MAP3K8: variants seen among roughly 807,000 people sequenced by gnomAD.
MAP3K8 encodes the protein mitogen-activated protein kinase kinase kinase 8.
In MAP3K8, 22 loss-of-function variants were observed where a neutral mutation model predicts 45.8. The observed-to-expected ratio is 0.48, with a 90% CI of 0.34 to 0.69. MAP3K8 has a LOEUF of 0.69. MAP3K8 is among the 30% of genes least tolerant of loss of function. The pLI, the probability that MAP3K8 is intolerant of heterozygous loss-of-function variation, is 0.01. For synonymous variants in MAP3K8, 223 were observed against 214.3 expected (o/e 1.04, Z -0.36); for missense variants, 419 against 585.0 (o/e 0.72, Z 2.93).
intron 4 of MAP3K8, among the ~76,000 whole-genome samples, chr10:30,449,543 A>G (rs543204581): frequency 3.9e-5 from 6 of 152,368 alleles, no homozygotes; most frequent in South Asian, 2.1e-4. Context: ...CAAAAGTATA[A>G]CAAAATAAAA....
Position 30,461,354 on chromosome 10 carries a change from T to C in MAP3K8, c.*518T>C, listed in dbSNP as rs186978828. On this transcript the variant is annotated 3_prime_UTR_variant, in exon 9 of 9. Transcript: ENST00000263056. The stretch of plus-strand genomic sequence containing the variant: ...CAACTTGAAGATTGTAGCAATAAGC[T>C]GGACTAGTGTCCTAAAAATGGCTAA... The C allele has an allele frequency of 2.7e-3, 562 of 209,190 alleles. 8 individuals carry two copies. Among genetic ancestry groups the C allele is most frequent in the Non-Finnish European group, 2.1e-3 (213 of 102,446 alleles). The allele number at this position is 209,190 out of a possible 1,614,324, so 13.0% of individuals were successfully genotyped here. A position where few individuals can be genotyped will look rare whatever the true frequency, so the allele number is the denominator to read the frequency against.
intron 3 of MAP3K8, among the ~76,000 whole-genome samples, chr10:30,445,714 C>T (rs1836301708): frequency 6.6e-6 from 1 of 152,228 alleles, no homozygotes; most frequent in Admixed American, 6.5e-5. Context: ...AGACCGCCAT[C>T]TGCACTTATT....
chr10:30,438,132 G>A (rs1202318510), intron 2 of MAP3K8, among the ~76,000 whole-genome samples: 1 of 152,164 alleles, frequency 6.6e-6, no homozygotes, highest in Non-Finnish European at 1.5e-5. Context: ...ACTACTCACA[G>A]CTTCTAGAAG....
intron 4 of MAP3K8, among the ~76,000 whole-genome samples, chr10:30,449,050 A>G (rs1328577330): frequency 6.6e-6 from 1 of 152,218 alleles, no homozygotes; most frequent in Non-Finnish European, 1.5e-5. Flanking sequence ...TCTCATAACC[A>G]TTATGTTGAG....
intron 3 of MAP3K8, among the ~76,000 whole-genome samples, chr10:30,440,203 A>G (rs1186465939): frequency 6.6e-6 from 1 of 152,228 alleles, no homozygotes; most frequent in Non-Finnish European, 1.5e-5. Flanking sequence ...TCAGGCTTTT[A>G]GTATGTCAGA....
chr10:30,448,788 A>G (rs558753831), intron 4 of MAP3K8, among the ~76,000 whole-genome samples: 2 of 152,208 alleles, frequency 1.3e-5, no homozygotes, highest in African/African-American at 4.8e-5. Context: ...GGAAAACTGT[A>G]TCTACATAAG....
At chr10:30,456,123 G>A (rs1160273447) in intron 6 of MAP3K8, among the ~76,000 whole-genome samples, 2 of 152,190 alleles carry the variant, frequency 1.3e-5, no homozygotes, top group African/African-American at 4.8e-5. Context: ...GGAGGAGGGG[G>A]TACAGGAGAG....
At chr10:30,442,638 T>C (rs1836153510) in intron 3 of MAP3K8, among the ~76,000 whole-genome samples, 1 of 152,178 alleles carries the variant, frequency 6.6e-6, no homozygotes, top group Non-Finnish European at 1.5e-5. Flanking sequence ...TTGCTTTGGG[T>C]AAGAGTGCTG....
chr10:30,437,916 G>A (rs303449), intron 2 of MAP3K8, among the ~76,000 whole-genome samples: 108,018 of 152,162 alleles, frequency 0.71, 38,846 homozygotes, highest in African/African-American at 0.79. Context: ...ATCTCTTAGG[G>A]CCTTTTGTCT....
chr10:30,459,163 G>T (rs904991017), intron 7 of MAP3K8, 92 bp from the exon 8 acceptor site: 2 of 1,402,754 alleles, frequency 1.4e-6, no homozygotes, highest in South Asian at 1.2e-5. Context: ...GGTGGAAAAC[G>T]GATTACTTTC....
At chr10:30,441,087 G>A (rs1836088591) in intron 3 of MAP3K8, among the ~76,000 whole-genome samples, 1 of 151,912 alleles carries the variant, frequency 6.6e-6, no homozygotes, top group Non-Finnish European at 1.5e-5. Flanking sequence ...CAAAGGGTTT[G>A]AGTAAAATGT....
Position 30,447,939 on chromosome 10 carries a change from C to T in MAP3K8, c.494C>T (p.Ala165Val), listed in dbSNP as rs765778036. The T allele has an allele frequency of 5.0e-6, 8 of 1,607,556 alleles. No individual in the cohort carries two copies. The highest frequency in any genetic ancestry group is 4.0e-5 in the African/African-American group (3 of 74,220). ...AQDIKTKKRM[A>V]CKLIPVDQFK... ...GATATAAAGACGAAGAAAAGAATGGCGTGTAAACTGGTATGTGTTTTCTAC... is the reference window on the plus strand; with the variant it reads ...GATATAAAGACGAAGAAAAGAATGGTGTGTAAACTGGTATGTGTTTTCTAC... The change falls in exon 4 of 9, where the codon GCG becomes GTG. Residue 165 changes from alanine (A) to valine (V), a missense_variant. Coordinates refer to ENST00000263056, the MANE Select transcript of MAP3K8 (RefSeq NM_005204.4).
At chr10:30,447,483 C>T (rs1486293169) in intron 3 of MAP3K8, among the ~76,000 whole-genome samples, 9 of 152,088 alleles carry the variant, frequency 5.9e-5, no homozygotes, top group East Asian at 5.8e-4. Context: ...TTTTGGTTGC[C>T]GTAGTCATGC....
chr10:30,458,273 G>GAT, intron 7 of MAP3K8, 37 bp downstream of exon 7: 1 of 1,364,744 alleles, frequency 7.3e-7, no homozygotes, highest in Non-Finnish European at 9.7e-7. Flanking sequence ...GGCGGCGGGG[G>GAT]GGGGCGTTGA....
intron 3 of MAP3K8, among the ~76,000 whole-genome samples, chr10:30,439,787 T>TG (rs1214917018): frequency 2.0e-5 from 3 of 152,216 alleles, no homozygotes; most frequent in African/African-American, 4.8e-5. Flanking sequence ...CCAGCCTGTG[T>TG]GACTGAGTGA....
intron 4 of MAP3K8, among the ~76,000 whole-genome samples, chr10:30,449,122 A>G (rs1466583595): frequency 1.3e-5 from 2 of 152,242 alleles, no homozygotes; most frequent in Non-Finnish European, 2.9e-5. Context: ...TAAAGGACCA[A>G]AACAGGCAAA....
In MAP3K8 at chr10:30,461,073, T is replaced by C; in HGVS notation, c.*237T>C. 1 of 419,416 alleles carries C rather than the reference T, an allele frequency of 2.4e-6. No individual in the cohort carries two copies. Among genetic ancestry groups the C allele is most frequent in the Admixed American group, 4.2e-5 (1 of 23,536 alleles). 26.0% of individuals were successfully genotyped at this position (419,416 alleles called of 1,614,324 possible). A position where few individuals can be genotyped will look rare whatever the true frequency, so the allele number is the denominator to read the frequency against. ...AGGTGACGTGATTCTAAGGCAGGAA[T>C]TTGAGAGTTCACAGAAGGATCGTGT... On this transcript the variant is annotated 3_prime_UTR_variant, in exon 9 of 9. Transcript: ENST00000263056.
intron 7 of MAP3K8, 32 bp downstream of exon 7, chr10:30,458,268 C>CGGGGGGG: frequency 4.6e-6 from 2 of 439,434 alleles, no homozygotes; most frequent in Non-Finnish European, 7.4e-6. Flanking sequence ...CTGGGGGCGG[C>CGGGGGGG]GGGGGGGGGC....
chr10:30,444,331 C>A lies in MAP3K8; in HGVS notation c.337-3451C>A, dbSNP rs139053497. On this transcript the variant is annotated intron_variant, in intron 3 of 8. Coordinates refer to ENST00000263056, the MANE Select transcript of MAP3K8 (RefSeq NM_005204.4). The stretch of plus-strand genomic sequence containing the variant: ...ATACAAAATTAGCTGGGCGTGGTGG[C>A]ACATGCCTGTAATCCCAGCACCTTG... 6.6e-3 allele frequency among the ~76,000 whole-genome samples: 1,012 copies of A among 152,196 alleles called. 12 individuals carry two copies. The highest frequency in any genetic ancestry group is 0.022 in the African/African-American group (915 of 41,514).
Sources: gnomAD v4.1 joint callset for allele counts (sites outside exome capture counted in the v4.1 genomes callset) on GRCh38, gnomAD v4.1.1 for gene constraint, MANE v1.5 for transcripts, NCBI Gene and HGNC (gene_info 2026-07-23, HGNC 2026-07-21) for gene names.